The following FRMD4A variants were observed in gnomAD, a reference collection of about 807,000 sequenced individuals.
FRMD4A encodes the protein FERM domain containing 4A.
In FRMD4A, 29 loss-of-function variants were observed where a neutral mutation model predicts 129.1. That is an observed-to-expected ratio of 0.22 (90% CI 0.17 to 0.31). The LOEUF (loss-of-function observed/expected upper bound fraction) is 0.31, where lower values mean the gene tolerates loss of function less well. Among genes scored for constraint, FRMD4A ranks in the 10% least tolerant of loss-of-function variants. The pLI is 1.00. For missense variants in FRMD4A, 1,272 were observed against 1,375.8 expected (o/e 0.92, Z 1.19); for synonymous variants, 634 against 571.6 (o/e 1.11, Z -1.56).
chr10:14,135,653 G>A (rs1272843701), intron 2 of FRMD4A, among the ~76,000 whole-genome samples: 2 of 152,190 alleles, frequency 1.3e-5, no homozygotes, highest in African/African-American at 4.8e-5. Flanking sequence ...TCAGGTTTGT[G>A]CAAGCACAGA....
At chr10:13,809,689 T>C (rs1322750217) in intron 4 of FRMD4A, among the ~76,000 whole-genome samples, 1 of 152,162 alleles carries the variant, frequency 6.6e-6, no homozygotes, top group Non-Finnish European at 1.5e-5. Flanking sequence ...CCCAGCTTTC[T>C]TGAGGAAGAT....
At chr10:13,802,003 C>CAAAAAAAAAAAAAAAAAAAAA in intron 4 of FRMD4A, among the ~76,000 whole-genome samples, 1 of 109,512 alleles carries the variant, frequency 9.1e-6, no homozygotes, top group Non-Finnish European at 1.8e-5. Flanking sequence ...AATAATAATG[C>CAAAAAAAAAAAAAAAAAAAAA]AAAAAAAAAA....
Position 13,684,383 on chromosome 10 carries a change from A to G in FRMD4A, c.1118-9339T>C, listed in dbSNP as rs533273376. 13 of 985,166 alleles carry G rather than the reference A, an allele frequency of 1.3e-5. No individual in the cohort carries two copies. In the South Asian group the frequency reaches 4.2e-4, roughly 32 times the overall value. 61.0% of individuals were successfully genotyped at this position (985,166 alleles called of 1,614,324 possible). On this transcript the variant is annotated intron_variant, in intron 15 of 24. Coordinates refer to ENST00000357447, the MANE Select transcript of FRMD4A (RefSeq NM_018027.5). ...TCTTTGGAGTGAACTTCCCGATGCT[A>G]TGAACATTGTTTGAGACCCTGGAGA... is the stretch of plus-strand genomic sequence containing the variant.
At chr10:13,777,602 C>T (rs908549521) in intron 6 of FRMD4A, among the ~76,000 whole-genome samples, 3 of 152,060 alleles carry the variant, frequency 2.0e-5, no homozygotes, top group African/African-American at 7.2e-5. Context: ...GGTGTCATCA[C>T]CTCCACTCAG....
intron 3 of FRMD4A, among the ~76,000 whole-genome samples, chr10:13,825,959 C>T (rs558174949): frequency 3.9e-5 from 6 of 152,356 alleles, no homozygotes; most frequent in African/African-American, 1.4e-4. Context: ...TCTCCTAAAA[C>T]GTGTCTGTTT....
rs138513329 is a variant in FRMD4A, at chr10:13,832,096, A to G, written c.112-21188T>C. On this transcript the variant is annotated intron_variant, in intron 3 of 24. Transcript: ENST00000357447. ...TGCATGAGTGAGGTGGGCTCTGATG[A>G]TCAATTACACCAGCAGAACCAATGA... Among the ~76,000 whole-genome samples the G allele has an allele frequency of 7.1e-3, 1,082 of 152,204 alleles. 9 individuals carry two copies. Among genetic ancestry groups the G allele is most frequent in the Non-Finnish European group, 0.012 (790 of 68,004 alleles).
intron 2 of FRMD4A, among the ~76,000 whole-genome samples, chr10:14,270,635 A>G (rs147996273): frequency 1.1e-3 from 173 of 152,372 alleles, no homozygotes; most frequent in African/African-American, 3.8e-3. Flanking sequence ...TGCTCATGAT[A>G]GGTGCCATTA....
At chr10:14,025,253 C>A (rs962787933) in intron 2 of FRMD4A, among the ~76,000 whole-genome samples, 1 of 151,816 alleles carries the variant, frequency 6.6e-6, no homozygotes, top group African/African-American at 2.4e-5. Flanking sequence ...AGAATATCCA[C>A]GAAATCTTGC....
intron 5 of FRMD4A, among the ~76,000 whole-genome samples, chr10:13,783,752 G>C (rs897092114): frequency 2.6e-5 from 4 of 152,154 alleles, no homozygotes; most frequent in African/African-American, 9.7e-5. Context: ...GGTGAAGTGT[G>C]ATTTGATTTC....
intron 6 of FRMD4A, among the ~76,000 whole-genome samples, chr10:13,772,207 T>TTATTATTATTATATAATAAA (rs2092478288): frequency 1.0e-5 from 1 of 99,638 alleles, no homozygotes; most frequent in Non-Finnish European, 2.7e-5. Context: ...TAATAAATAT[T>TTATTATTATTATATAATAAA]TATTTATTAT....
chr10:14,111,011 T>C (rs998910573), intron 2 of FRMD4A, among the ~76,000 whole-genome samples: 53 of 152,322 alleles, frequency 3.5e-4, no homozygotes, highest in African/African-American at 1.2e-3. Flanking sequence ...AAAGTACACA[T>C]ATCATAAAAT....
intron 2 of FRMD4A, among the ~76,000 whole-genome samples, chr10:14,211,742 C>T (rs201481944): frequency 9.2e-5 from 14 of 152,250 alleles, no homozygotes; most frequent in East Asian, 7.7e-4. Context: ...GTCCTCGAAG[C>T]GTTTGAGGCT....
chr10:13,824,557 C>T (rs757235341), intron 3 of FRMD4A, among the ~76,000 whole-genome samples: 7 of 151,528 alleles, frequency 4.6e-5, no homozygotes, highest in Non-Finnish European at 1.0e-4. Context: ...AATAACACAA[C>T]AATATAGTAT....
intron 12 of FRMD4A, among the ~76,000 whole-genome samples, chr10:13,722,246 T>C (rs75619549): frequency 1.2e-3 from 174 of 149,410 alleles, no homozygotes; most frequent in African/African-American, 4.1e-3. Context: ...TTTTTTTTTT[T>C]CCTGACTCAG....
At chr10:13,657,796 T>TTTG (rs1449312537) in intron 21 of FRMD4A, among the ~76,000 whole-genome samples, 1 of 151,160 alleles carries the variant, frequency 6.6e-6, no homozygotes, top group Non-Finnish European at 1.5e-5. Flanking sequence ...GGGTTTTTTT[T>TTTG]TTTTTTTAAA....
At chr10:13,894,607 C>T (rs2094737096) in intron 2 of FRMD4A, among the ~76,000 whole-genome samples, 1 of 152,222 alleles carries the variant, frequency 6.6e-6, no homozygotes, top group South Asian at 2.1e-4. Context: ...TCTTTGTCTT[C>T]ATCACATATT....
intron 2 of FRMD4A, among the ~76,000 whole-genome samples, chr10:14,109,946 G>T (rs2131791800): frequency 6.6e-6 from 1 of 150,428 alleles, no homozygotes; most frequent in African/African-American, 2.5e-5. Flanking sequence ...ACTCCAGCCT[G>T]GGCCACACAG....
intron 2 of FRMD4A, among the ~76,000 whole-genome samples, chr10:14,187,292 G>A (rs1032651679): frequency 1.3e-5 from 2 of 152,188 alleles, no homozygotes; most frequent in African/African-American, 4.8e-5. Flanking sequence ...GGATATTACA[G>A]TCAAATTGTG....
intron 2 of FRMD4A, among the ~76,000 whole-genome samples, chr10:13,944,121 TA>T (rs1336209554): frequency 3.3e-5 from 5 of 152,236 alleles, no homozygotes; most frequent in African/African-American, 1.2e-4. Flanking sequence ...GGATCTTATG[TA>T]GCAGGGATCC....
Sources: gnomAD v4.1 joint callset for allele counts (sites outside exome capture counted in the v4.1 genomes callset) on GRCh38, gnomAD v4.1.1 for gene constraint, MANE v1.5 for transcripts, NCBI Gene and HGNC (gene_info 2026-07-23, HGNC 2026-07-21) for gene names.